Variants in SLC35E1 observed in about 807,000 individuals in gnomAD.
The protein encoded by SLC35E1 is solute carrier family 35, member E1.
Under a neutral mutation model 31.0 loss-of-function variants are expected in SLC35E1, and 12 were observed. That is an observed-to-expected ratio of 0.39 (90% CI 0.25 to 0.63). SLC35E1 has a LOEUF of 0.63. SLC35E1 is among the 20% of genes least tolerant of loss of function. SLC35E1 has a pLI of 0.52. For synonymous variants in SLC35E1, 257 were observed against 264.1 expected (o/e 0.97, Z 0.26); for missense variants, 429 against 572.2 (o/e 0.75, Z 2.55).
Position 16,555,015 on chromosome 19 carries a change from C to T in SLC35E1, c.1002+137G>A, listed in dbSNP as rs1296491386. On this transcript the variant is annotated intron_variant, in intron 5 of 5. Transcript: ENST00000595753. The surrounding 1 kb of genome is among the most constrained non-coding windows in gnomAD (Gnocchi z 4.1). ...GAAGCCAGAGTGGGATGGGGCTACGCCAAGATCATAAACCAGTCAGTGGCA... is the reference window on the plus strand; with the variant it reads ...GAAGCCAGAGTGGGATGGGGCTACGTCAAGATCATAAACCAGTCAGTGGCA... 3 of 1,309,750 alleles carry T rather than the reference C, an allele frequency of 2.3e-6. No homozygotes were observed. The highest frequency in any genetic ancestry group is 3.1e-6 in the Non-Finnish European group (3 of 975,648). The allele number at this position is 1,309,750 out of a possible 1,614,324, so 81.1% of individuals were successfully genotyped here. A position where few individuals can be genotyped will look rare whatever the true frequency, so the allele number is the denominator to read the frequency against.
chr19:16,565,135 G>A (rs1429269693), intron 4 of SLC35E1: 1 of 456,428 alleles, frequency 2.2e-6, no homozygotes, highest in Non-Finnish European at 4.4e-6. Flanking sequence ...GGCAGACCCT[G>A]CAGGTGGCAA....
At chr19:16,562,849 C>T (rs575799987) in intron 4 of SLC35E1, among the ~76,000 whole-genome samples, 17 of 152,246 alleles carry the variant, frequency 1.1e-4, no homozygotes, top group Admixed American at 2.0e-4. Context: ...GCTCGGACTA[C>T]AGGCATGTGC....
chr19:16,572,122 G>A lies in SLC35E1; in HGVS notation c.243C>T (p.Arg81=). 1.3e-6 allele frequency: 2 copies of A among 1,509,488 alleles called. No individual in the cohort carries two copies. Among genetic ancestry groups the A allele is most frequent in the Non-Finnish European group, 1.8e-6 (2 of 1,129,690 alleles). The allele number at this position is 1,509,488 out of a possible 1,614,324, so 93.5% of individuals were successfully genotyped here. The part of the protein sequence containing the change: ...AGLPPLLRAW[R]VPPAPPVSGP... ...CCGAGACGGGCGGCGCGGGGGGCAC[G>A]CGCCAGGCGCGCAGCAGCGGCGGGA... Residue 81 remains arginine, a synonymous_variant, in exon 1 of 6, where the codon CGC becomes CGT. Coordinates refer to ENST00000595753, the MANE Select transcript of SLC35E1 (RefSeq NM_024881.5). This position sits in a 1 kb window ranked among gnomAD's most constrained non-coding sequence, Gnocchi z 4.1.
At chr19:16,568,203 G>A in intron 2 of SLC35E1, 34 bp from the exon 3 acceptor site, 1 of 1,585,386 alleles carries the variant, frequency 6.3e-7, no homozygotes, top group Non-Finnish European at 8.6e-7. Flanking sequence ...GGGCTCACAG[G>A]CCAGACTAGA....
intron 4 of SLC35E1, among the ~76,000 whole-genome samples, chr19:16,557,395 G>A (rs1328479128): frequency 1.3e-5 from 2 of 152,052 alleles, no homozygotes; most frequent in South Asian, 2.1e-4. Context: ...GGGTTTCACC[G>A]TGTTAGCCAG....
At chr19:16,570,458 G>A (rs1020330593) in intron 2 of SLC35E1, among the ~76,000 whole-genome samples, 7 of 152,184 alleles carry the variant, frequency 4.6e-5, no homozygotes, top group African/African-American at 1.2e-4. Flanking sequence ...AAAGAGGCAC[G>A]GTGTCCAGCA....
rs925775425 is a variant in SLC35E1 at position 16,550,264 on chromosome 19, G to C, written c.*3415C>G. Reference sequence around the variant, plus strand: ...CTCCTTCTATAAAATGAAGGAGCTGGGTTGGAGTCAGTATTACCAGCCAGA... The same window carrying C: ...CTCCTTCTATAAAATGAAGGAGCTGCGTTGGAGTCAGTATTACCAGCCAGA... On this transcript the variant is annotated 3_prime_UTR_variant, in exon 6 of 6. Transcript: ENST00000595753. 1.3e-5 allele frequency: 2 copies of C among 152,224 alleles called. No homozygotes were observed. Among genetic ancestry groups the C allele is most frequent in the African/African-American group, 2.4e-5 (1 of 41,450 alleles). The allele number at this position is 152,224 out of a possible 1,614,324, so 9.4% of individuals were successfully genotyped here.
At position 16,555,541 on chromosome 19, in the gene SLC35E1, T is replaced by C. The variant is rs2085871655; in HGVS notation, c.757-144A>G. On this transcript the variant is annotated intron_variant, in intron 4 of 5. Transcript: ENST00000595753. The surrounding 1 kb of genome is among the most constrained non-coding windows in gnomAD (Gnocchi z 4.1). ...TCCACAGGCAGCCAGTCCAGATGTGTCACCAAGAGACACTAGGTGCTTTAG... is the reference window on the plus strand; with the variant it reads ...TCCACAGGCAGCCAGTCCAGATGTGCCACCAAGAGACACTAGGTGCTTTAG... 4.4e-6 allele frequency: 5 copies of C among 1,125,078 alleles called. No individual in the cohort carries two copies. Among genetic ancestry groups the C allele is most frequent in the Non-Finnish European group, 6.2e-6 (5 of 811,882 alleles). The allele number at this position is 1,125,078 out of a possible 1,614,324, so 69.7% of individuals were successfully genotyped here.
chr19:16,555,159 T>C lies in SLC35E1; in HGVS notation c.995A>G (p.Tyr332Cys). Residue 332 changes from tyrosine (Y) to cysteine (C), a missense_variant, in exon 5 of 6, where the codon TAT becomes TGT. Coordinates refer to ENST00000595753, the MANE Select transcript of SLC35E1 (RefSeq NM_024881.5). The surrounding 1 kb of genome is among the most constrained non-coding windows in gnomAD (Gnocchi z 4.1). ...AGCCTCTCAGACTCTCACCTTGTTATAGAGGAAGACCCCCAGGATGGCGGT... is the reference window on the plus strand; with the variant it reads ...AGCCTCTCAGACTCTCACCTTGTTACAGAGGAAGACCCCCAGGATGGCGGT... ...MMTAILGVFL[Y>C]NKTKYDANQQ... is the part of the protein sequence containing the mutation. The C allele has an allele frequency of 1.2e-6, 2 of 1,614,068 alleles. No homozygotes were observed. Among genetic ancestry groups the C allele is most frequent in the Non-Finnish European group, 8.5e-7 (1 of 1,180,030 alleles).
At position 16,551,252 on chromosome 19, in the gene SLC35E1, G is replaced by A. The variant is rs2085843789; in HGVS notation, c.*2427C>T. Reference sequence around the variant, plus strand: ...GCAATTGTCTCAGCTTGGGACCAAAGTATTTACAAAGCAAGCGAACAAGAG... The same window carrying A: ...GCAATTGTCTCAGCTTGGGACCAAAATATTTACAAAGCAAGCGAACAAGAG... On this transcript the variant is annotated 3_prime_UTR_variant, in exon 6 of 6. Coordinates refer to ENST00000595753, the MANE Select transcript of SLC35E1 (RefSeq NM_024881.5). 6.6e-6 allele frequency: 1 copy of A among 152,128 alleles called. No homozygotes were observed. Among genetic ancestry groups the A allele is most frequent in the African/African-American group, 2.4e-5 (1 of 41,438 alleles). 9.4% of individuals were successfully genotyped at this position (152,128 alleles called of 1,614,324 possible).
In SLC35E1 at chr19:16,557,180, C is replaced by T. The variant is rs973929566; in HGVS notation, c.757-1783G>A. 19 of 330,646 alleles carry T rather than the reference C, an allele frequency of 5.7e-5. No homozygotes were observed. In the East Asian group the frequency reaches 6.3e-4, roughly 11 times the overall value. 20.5% of individuals were successfully genotyped at this position (330,646 alleles called of 1,614,324 possible). On this transcript the variant is annotated intron_variant, in intron 4 of 5. Coordinates refer to ENST00000595753, the MANE Select transcript of SLC35E1 (RefSeq NM_024881.5). The stretch of plus-strand genomic sequence containing the variant: ...AATAAAATGGACTGATTTGGCAGCA[C>T]GGTGCACAATTCCAGGCATTTTTTT...
rs1324129070 is a variant in SLC35E1 at position 16,556,535 on chromosome 19, C to T, written c.757-1138G>A. Reference sequence around the variant, plus strand: ...AAAAAACCCCACAAAACTTTACCATCTGACCCTGACCAGAATGAGGCCATT... The same window carrying T: ...AAAAAACCCCACAAAACTTTACCATTTGACCCTGACCAGAATGAGGCCATT... On this transcript the variant is annotated intron_variant, in intron 4 of 5. Transcript: ENST00000595753. Among the ~76,000 whole-genome samples, 3 of 152,164 alleles carry T rather than the reference C, an allele frequency of 2.0e-5. No homozygotes were observed. In the East Asian group the frequency reaches 5.8e-4, roughly 29 times the overall value.
intron 4 of SLC35E1, 53 bp downstream of exon 4, chr19:16,566,479 C>T: frequency 6.2e-7 from 1 of 1,607,098 alleles, no homozygotes; most frequent in Non-Finnish European, 8.5e-7. Context: ...AACAAAGCAC[C>T]TATTCTGGAA....
chr19:16,571,896 G>C, intron 1 of SLC35E1, 48 bp downstream of exon 1: 1 of 1,518,020 alleles, frequency 6.6e-7, no homozygotes, highest in African/African-American at 1.4e-5. Context: ...GCCCAAACCC[G>C]AAGCGGCGGG....
chr19:16,569,772 AGGC>A (rs2085948696), intron 2 of SLC35E1, among the ~76,000 whole-genome samples: 1 of 152,210 alleles, frequency 6.6e-6, no homozygotes, highest in African/African-American at 2.4e-5. Flanking sequence ...TGAACCCAGG[AGGC>A]GGAGCTTGCA....
intron 5 of SLC35E1, among the ~76,000 whole-genome samples, 186 bp from the exon 6 acceptor site, chr19:16,554,095 T>C (rs1361148650): frequency 6.6e-6 from 1 of 150,578 alleles, no homozygotes; most frequent in Non-Finnish European, 1.5e-5. Context: ...CAAAACCCCG[T>C]CTCTACTAAA....
At chr19:16,571,470 C>A in intron 2 of SLC35E1, 42 bp downstream of exon 2, 1 of 1,605,502 alleles carries the variant, frequency 6.2e-7, no homozygotes, top group Non-Finnish European at 8.5e-7. Flanking sequence ...GGGAGGAACC[C>A]CCTGGAGCTC....
chr19:16,564,936 T>A, intron 4 of SLC35E1: 1 of 322,802 alleles, frequency 3.1e-6, no homozygotes, highest in Non-Finnish European at 6.2e-6. Flanking sequence ...ATTGGGAAAA[T>A]AGAGGTAATA....
At chr19:16,571,906 G>A in intron 1 of SLC35E1, 38 bp downstream of exon 1, 2 of 1,523,372 alleles carry the variant, frequency 1.3e-6, no homozygotes, top group South Asian at 1.2e-5. Flanking sequence ...GAAGCGGCGG[G>A]CCCGGCCGCC....
Sources: gnomAD v4.1 joint callset for allele counts (sites outside exome capture counted in the v4.1 genomes callset) on GRCh38, gnomAD v4.1.1 for gene constraint, Gnocchi (gnomAD v3.1) non-coding constraint, MANE v1.5 for transcripts, NCBI Gene and HGNC (gene_info 2026-07-23, HGNC 2026-07-21) for gene names.